ENOX1: variants seen among roughly 807,000 people sequenced by gnomAD.
ENOX1 encodes the protein ecto-NOX disulfide-thiol exchanger 1.
In ENOX1, 42 loss-of-function variants were observed where a neutral mutation model predicts 82.5. That is an observed-to-expected ratio of 0.51 (90% CI 0.40 to 0.66). The LOEUF (loss-of-function observed/expected upper bound fraction) is 0.66. Among genes scored for constraint, ENOX1 ranks in the 30% least tolerant of loss-of-function variants. ENOX1 has a pLI of 0.00. For synonymous variants in ENOX1, 271 were observed against 282.2 expected, an observed-to-expected ratio of 0.96 and a Z score of 0.40; for missense variants, 608 against 811.6, an observed-to-expected ratio of 0.75 and a Z score of 3.05.
At chr13:43,428,601 CT>C (rs1167324725) in intron 3 of ENOX1, among the ~76,000 whole-genome samples, 3 of 152,154 alleles carry the variant, frequency 2.0e-5, no homozygotes, top group African/African-American at 7.2e-5. Flanking sequence ...GTTACTATTA[CT>C]TTTTCTTACC....
At chr13:43,693,971 G>C (rs950514387) in intron 1 of ENOX1, among the ~76,000 whole-genome samples, 4 of 152,162 alleles carry the variant, frequency 2.6e-5, no homozygotes, top group Non-Finnish European at 5.9e-5. Context: ...AGGACTTGGT[G>C]ACTGGTCTTC....
intron 1 of ENOX1, among the ~76,000 whole-genome samples, chr13:43,696,210 G>A (rs2086633297): frequency 6.6e-6 from 1 of 152,180 alleles, no homozygotes; most frequent in Non-Finnish European, 1.5e-5. Flanking sequence ...TGATGGACAT[G>A]TGGGTTCTTC....
intron 2 of ENOX1, among the ~76,000 whole-genome samples, chr13:43,536,905 T>C (rs972504294): frequency 1.3e-5 from 2 of 152,226 alleles, no homozygotes; most frequent in Non-Finnish European, 2.9e-5. Context: ...GGATTATCTT[T>C]AGACCAATTT....
intron 1 of ENOX1, among the ~76,000 whole-genome samples, chr13:43,727,683 T>C (rs1180662118): frequency 6.6e-6 from 1 of 152,144 alleles, no homozygotes; most frequent in Non-Finnish European, 1.5e-5. Flanking sequence ...GCAACTCCTC[T>C]CTATTCTCCC....
chr13:43,524,986 A>G (rs920540671), intron 2 of ENOX1, among the ~76,000 whole-genome samples: 2 of 152,128 alleles, frequency 1.3e-5, no homozygotes, highest in Non-Finnish European at 2.9e-5. Context: ...AAGGTTTTCA[A>G]TAAGTCAATC....
chr13:43,721,979 C>A (rs542083851), intron 1 of ENOX1, among the ~76,000 whole-genome samples: 1 of 152,142 alleles, frequency 6.6e-6, no homozygotes, highest in African/African-American at 2.4e-5. Context: ...GTTAAACAGA[C>A]CACACCTGGG....
At chr13:43,451,060 T>A (rs2056940055) in intron 3 of ENOX1, among the ~76,000 whole-genome samples, 1 of 152,188 alleles carries the variant, frequency 6.6e-6, no homozygotes. Flanking sequence ...GCATTTCTCA[T>A]AAACTTCTTG....
chr13:43,520,364 C>CAA (rs2077717826), intron 2 of ENOX1, among the ~76,000 whole-genome samples: 2 of 151,900 alleles, frequency 1.3e-5, no homozygotes, highest in Non-Finnish European at 2.9e-5. Flanking sequence ...CACACACACA[C>CAA]GGTATCTTGA....
intron 9 of ENOX1, among the ~76,000 whole-genome samples, chr13:43,331,949 C>A (rs1265330675): frequency 2.6e-5 from 4 of 152,230 alleles, no homozygotes; most frequent in South Asian, 4.1e-4. Flanking sequence ...TGAATACGGT[C>A]AAACCCATAC....
intron 2 of ENOX1, among the ~76,000 whole-genome samples, chr13:43,645,415 T>C (rs2083850070): frequency 6.6e-6 from 1 of 152,158 alleles, no homozygotes; most frequent in Non-Finnish European, 1.5e-5. Context: ...CACCAGAGCC[T>C]ACCAAAGTGC....
At chr13:43,421,547 G>A (rs2054976037) in intron 3 of ENOX1, among the ~76,000 whole-genome samples, 1 of 152,130 alleles carries the variant, frequency 6.6e-6, no homozygotes, top group Admixed American at 6.6e-5. Flanking sequence ...TTTTCCTGAA[G>A]TGTCACATCA....
intron 2 of ENOX1, among the ~76,000 whole-genome samples, chr13:43,517,741 G>A (rs1226965085): frequency 6.6e-6 from 1 of 152,054 alleles, no homozygotes; most frequent in African/African-American, 2.4e-5. Flanking sequence ...AACCTCCAAG[G>A]TGATGTTATT....
intron 2 of ENOX1, among the ~76,000 whole-genome samples, chr13:43,501,656 T>G (rs2153668308): frequency 6.6e-6 from 1 of 151,288 alleles, no homozygotes; most frequent in South Asian, 2.1e-4. Flanking sequence ...AAACAACTAT[T>G]GGCTCACAAA....
intron 5 of ENOX1, among the ~76,000 whole-genome samples, chr13:43,404,441 T>C (rs2053669710): frequency 6.6e-6 from 1 of 152,184 alleles, no homozygotes; most frequent in Admixed American, 6.5e-5. Flanking sequence ...CTTTTCAAAT[T>C]CTCCATTTCT....
At position 43,322,504 on chromosome 13, in the gene ENOX1, G is replaced by T; in HGVS notation, c.1144-3C>A. The T allele has an allele frequency of 6.2e-7, 1 of 1,611,896 alleles. No homozygotes were observed. Among genetic ancestry groups the T allele is most frequent in the African/African-American group, 1.3e-5 (1 of 74,956 alleles). On this transcript the variant is annotated splice_polypyrimidine_tract_variant and splice_region_variant and intron_variant, in intron 10 of 16. Transcript: ENST00000690772. ...TCACTTTGAGCATTCCGGAGCTCCTGCAAGTAGAGGATACACAAATGTCAG... is the reference window on the plus strand; with the variant it reads ...TCACTTTGAGCATTCCGGAGCTCCTTCAAGTAGAGGATACACAAATGTCAG...
chr13:43,613,384 G>A (rs1181872996), intron 2 of ENOX1, among the ~76,000 whole-genome samples: 5 of 152,054 alleles, frequency 3.3e-5, no homozygotes, highest in East Asian at 1.9e-4. Flanking sequence ...CAACCTGAAC[G>A]TAAATGAAAA....
At chr13:43,717,696 A>G (rs1293660868) in intron 1 of ENOX1, among the ~76,000 whole-genome samples, 1 of 152,186 alleles carries the variant, frequency 6.6e-6, no homozygotes, top group Non-Finnish European at 1.5e-5. Flanking sequence ...TCAACAAGCA[A>G]AAAATAAATA....
At chr13:43,411,818 T>A in intron 5 of ENOX1, 98 bp downstream of exon 5, 1 of 1,466,480 alleles carries the variant, frequency 6.8e-7, no homozygotes, top group South Asian at 1.3e-5. Flanking sequence ...AATAAAAGAC[T>A]GTGTCCAACA....
At chr13:43,491,289 T>A (rs1477777996) in intron 2 of ENOX1, among the ~76,000 whole-genome samples, 1 of 152,078 alleles carries the variant, frequency 6.6e-6, no homozygotes. Context: ...ACCCGCATGA[T>A]CCCATCACCT....
Sources: allele counts gnomAD v4.1 joint callset (sites outside exome capture counted in the v4.1 genomes callset), GRCh38; gene constraint gnomAD v4.1.1; transcripts MANE v1.5; gene names NCBI Gene and HGNC (gene_info 2026-07-23, HGNC 2026-07-21).